DNAH11: variants seen among roughly 807,000 people sequenced by gnomAD.
DNAH11 encodes the protein dynein axonemal heavy chain 11.
DNAH11 carries 442 observed loss-of-function variants against 526.0 expected under a neutral mutation model. That is an observed-to-expected ratio of 0.84 (90% CI 0.78 to 0.91). The LOEUF (loss-of-function observed/expected upper bound fraction) is 0.91. Ranked by LOEUF, DNAH11 falls within the 40% of genes least tolerant of loss-of-function variation. The pLI, the probability that DNAH11 is intolerant of heterozygous loss-of-function variation, is 0.00. For missense variants in DNAH11, 6,989 were observed against 5,448.7 expected (o/e 1.28, Z -8.90); for synonymous variants, 2,461 against 1,935.9 (o/e 1.27, Z -7.12).
chr7:21,880,567 A>C, intron 74 of DNAH11, 135 bp from the exon 75 acceptor site: 1 of 828,488 alleles, frequency 1.2e-6, no homozygotes, highest in Non-Finnish European at 1.9e-6. Context: ...TTCTCATTGG[A>C]TAAGTAGCCA....
At chr7:21,610,855 G>A (rs545995734) in intron 20 of DNAH11, among the ~76,000 whole-genome samples, 7 of 152,318 alleles carry the variant, frequency 4.6e-5, no homozygotes, top group Non-Finnish European at 8.8e-5. Flanking sequence ...GAGCCTAAGG[G>A]ACGCATAGAA....
chr7:21,897,426 C>G (rs926594494), intron 79 of DNAH11, among the ~76,000 whole-genome samples: 1 of 122,908 alleles, frequency 8.1e-6, no homozygotes, highest in Admixed American at 8.0e-5. Flanking sequence ...GTGGAGATGT[C>G]AAAAGCTAGC....
intron 28 of DNAH11, among the ~76,000 whole-genome samples, chr7:21,640,029 A>C (rs1327458879): frequency 6.6e-6 from 1 of 152,176 alleles, no homozygotes; most frequent in East Asian, 1.9e-4. Flanking sequence ...TTTGAACCTA[A>C]ATTCAATTGG....
At chr7:21,624,600 C>T (rs571095530) in intron 25 of DNAH11, among the ~76,000 whole-genome samples, 1 of 152,202 alleles carries the variant, frequency 6.6e-6, no homozygotes, top group African/African-American at 2.4e-5. Flanking sequence ...TGAATAGAAG[C>T]ATGAGAGTGG....
In DNAH11 at chr7:21,871,083, C is replaced by G. The variant is rs374049229; in HGVS notation, c.11967+2092C>G. ...GTATGTACATGTTAATTAGTTCTTACCTAAGCCCCAATGTGATCAATTATT... is the reference window on the plus strand; with the variant it reads ...GTATGTACATGTTAATTAGTTCTTAGCTAAGCCCCAATGTGATCAATTATT... On this transcript the variant is annotated intron_variant, in intron 73 of 81. Transcript: ENST00000409508. Among the ~76,000 whole-genome samples the G allele has an allele frequency of 1.2e-4, 18 of 152,292 alleles. 2 individuals are homozygous for G. The highest frequency in any genetic ancestry group is 8.5e-4 in the Admixed American group (13 of 15,300).
At chr7:21,853,395 T>A (rs78472254) in intron 67 of DNAH11, among the ~76,000 whole-genome samples, 2 of 152,198 alleles carry the variant, frequency 1.3e-5, no homozygotes, top group African/African-American at 4.8e-5. Flanking sequence ...GAATCCCAAA[T>A]TACTCTGTCT....
chr7:21,794,407 G>T (rs1239090072), intron 61 of DNAH11, among the ~76,000 whole-genome samples: 1 of 152,096 alleles, frequency 6.6e-6, no homozygotes. Flanking sequence ...TTGCTTAGAG[G>T]TTATTTGTAG....
chr7:21,811,492 C>G (rs1226573919), intron 63 of DNAH11, among the ~76,000 whole-genome samples: 1 of 151,600 alleles, frequency 6.6e-6, no homozygotes, highest in Non-Finnish European at 1.5e-5. Flanking sequence ...ACAAATACTT[C>G]AAACTTTACG....
intron 51 of DNAH11, among the ~76,000 whole-genome samples, chr7:21,746,829 A>G (rs2965357): frequency 0.44 from 67,318 of 151,950 alleles, 17,770 homozygotes; most frequent in East Asian, 0.82. Flanking sequence ...ATCTAAAACC[A>G]TGGTGTTAAA....
Position 21,619,086 on chromosome 7 carries a change from T to C in DNAH11, c.4255-14T>C. On this transcript the variant is annotated splice_polypyrimidine_tract_variant and intron_variant, in intron 23 of 81. Transcript: ENST00000409508. ...ATGTGGAATATAAAGTCTAACTTTT[T>C]TTCCCCCAATCAGGTCAAGTTTTTA... 6.2e-7 allele frequency: 1 copy of C among 1,613,298 alleles called. No homozygotes were observed. The highest frequency in any genetic ancestry group is 1.3e-5 in the African/African-American group (1 of 75,022).
In DNAH11 at chr7:21,901,400, CAGAAAAAAATACTA is replaced by C; in HGVS notation, c.*147_*160del. 1.7e-6 allele frequency: 2 copies of C among 1,176,226 alleles called. No homozygotes were observed. The highest frequency in any genetic ancestry group is 2.2e-6 in the Non-Finnish European group (2 of 905,996). 72.9% of individuals were successfully genotyped at this position (1,176,226 alleles called of 1,614,324 possible). ...TCAACGCTATCCTTAGAGTGAAAGT[CAGAAAAAAATACTA>C]GAAACTAACTCAGGGCTGAGCGTGG... On this transcript the variant is annotated 3_prime_UTR_variant, in exon 82 of 82. Coordinates refer to ENST00000409508, the MANE Select transcript of DNAH11 (RefSeq NM_001277115.2).
chr7:21,634,617 C>A (rs886122901), intron 25 of DNAH11, among the ~76,000 whole-genome samples: 10 of 152,020 alleles, frequency 6.6e-5, no homozygotes, highest in Admixed American at 1.3e-4. Flanking sequence ...ACATTGAGTC[C>A]CCTTGGACAC....
chr7:21,563,347 C>T (rs563394026), intron 5 of DNAH11, among the ~76,000 whole-genome samples: 82 of 151,998 alleles, frequency 5.4e-4, no homozygotes, highest in African/African-American at 1.9e-3. Context: ...GAGCTGGGAC[C>T]ACAGGCAACT....
intron 54 of DNAH11, among the ~76,000 whole-genome samples, chr7:21,752,497 T>C (rs920131221): frequency 5.9e-5 from 9 of 152,236 alleles, no homozygotes; most frequent in Non-Finnish European, 1.0e-4. Flanking sequence ...ATTATTCTTA[T>C]ATATGTGTCT....
At chr7:21,605,400 T>C (rs1785242668) in intron 18 of DNAH11, among the ~76,000 whole-genome samples, 1 of 152,256 alleles carries the variant, frequency 6.6e-6, no homozygotes, top group Admixed American at 6.5e-5. Flanking sequence ...ACAGTAATTA[T>C]GCTCCATGCA....
Position 21,591,432 on chromosome 7 carries a change from T to A in DNAH11, c.2522T>A (p.Met841Lys), listed in dbSNP as rs1397921470. The stretch of plus-strand genomic sequence containing the variant: ...AACGTGAAGGTGATCCAGCAGACCA[T>A]GAGGGGCTGGGCCAGGTGCGTGCTA... ...QKNVKVIQQT[M>K]RGWARCVLPP... is the part of the protein sequence containing the mutation. The change falls in exon 14 of 82, where the codon ATG becomes AAG. Residue 841 changes from methionine (M) to lysine (K), a missense_variant. Met to Lys is a moderately conservative substitution (Grantham distance 95, BLOSUM62 -1). Coordinates refer to ENST00000409508, the MANE Select transcript of DNAH11 (RefSeq NM_001277115.2). The A allele has an allele frequency of 6.2e-7, 1 of 1,613,836 alleles. No individual in the cohort carries two copies. Among genetic ancestry groups the A allele is most frequent in the East Asian group, 2.2e-5 (1 of 44,864 alleles).
At chr7:21,582,754 A>T (rs1265465688) in intron 9 of DNAH11, among the ~76,000 whole-genome samples, 1 of 152,224 alleles carries the variant, frequency 6.6e-6, no homozygotes, top group Non-Finnish European at 1.5e-5. Context: ...ATAACGTCCC[A>T]AAAGAGGGAT....
intron 9 of DNAH11, among the ~76,000 whole-genome samples, chr7:21,583,346 C>G (rs190916418): frequency 5.3e-5 from 8 of 152,222 alleles, no homozygotes; most frequent in Middle Eastern, 3.4e-3. Flanking sequence ...GAAAGGATTC[C>G]CTATTTAATA....
Position 21,559,796 on chromosome 7 carries a change from A to G in DNAH11, c.882+4A>G. ...TCTGTCATGCATTTATGATCAAGTA[A>G]GTAGATAGCCCTAGAAATTATAAAT... On this transcript the variant is annotated splice_donor_region_variant and intron_variant, in intron 4 of 81. Coordinates refer to ENST00000409508, the MANE Select transcript of DNAH11 (RefSeq NM_001277115.2). 6.3e-7 allele frequency: 1 copy of G among 1,588,414 alleles called. No homozygotes were observed. The highest frequency in any genetic ancestry group is 8.6e-7 in the Non-Finnish European group (1 of 1,165,880).
Sources: allele counts gnomAD v4.1 joint callset (sites outside exome capture counted in the v4.1 genomes callset), GRCh38; gene constraint gnomAD v4.1.1; transcripts MANE v1.5; gene names NCBI Gene and HGNC (gene_info 2026-07-23, HGNC 2026-07-21).